HSD17B11: variants seen among roughly 807,000 people sequenced by gnomAD.
The protein encoded by HSD17B11 is estradiol 17-beta-dehydrogenase 11.
Under a neutral mutation model 27.8 loss-of-function variants are expected in HSD17B11, and 22 were observed. The ratio of observed to expected loss-of-function variants is 0.79; its 90% CI spans 0.56 to 1.13. HSD17B11 has a LOEUF of 1.13. Ranked by LOEUF, HSD17B11 falls within the 50% of genes most tolerant of loss-of-function variation. The pLI is 0.00. For synonymous variants in HSD17B11, 117 were observed against 132.8 expected (o/e 0.88, Z 0.82); for missense variants, 314 against 351.1 (o/e 0.89, Z 0.84).
intron 4 of HSD17B11, among the ~76,000 whole-genome samples, chr4:87,365,198 CTG>C (rs1258264865): frequency 2.0e-5 from 3 of 152,042 alleles, no homozygotes; most frequent in Non-Finnish European, 4.4e-5. Context: ...AAACGAAAAA[CTG>C]TATAAGTGCT....
At chr4:87,346,097 C>A (rs186195617) in intron 5 of HSD17B11, among the ~76,000 whole-genome samples, 38 of 152,090 alleles carry the variant, frequency 2.5e-4, no homozygotes, top group Admixed American at 1.8e-3. Context: ...TGCCATTATC[C>A]CAGGAATACA....
In HSD17B11 at chr4:87,341,950, T is replaced by A. The variant is rs76768039; in HGVS notation, c.696-1344A>T. On this transcript the variant is annotated intron_variant, in intron 5 of 6. Coordinates refer to ENST00000358290, the MANE Select transcript of HSD17B11 (RefSeq NM_016245.5). ...AGAGGAGCTGCACAAGAGTTAGTAC[T>A]GAGACTTTTTAACATTTTATTAATG... Among the ~76,000 whole-genome samples, 8 of 152,308 alleles carry A rather than the reference T, an allele frequency of 5.3e-5. No individual in the cohort carries two copies. The East Asian group carries it at 1.5e-3, about 29-fold the overall frequency.
chr4:87,376,151 A>T (rs970006994), intron 2 of HSD17B11, among the ~76,000 whole-genome samples: 2 of 152,256 alleles, frequency 1.3e-5, no homozygotes, highest in African/African-American at 4.8e-5. Flanking sequence ...ATACTTGTCT[A>T]CAAGTAACAT....
chr4:87,372,918 G>C, intron 3 of HSD17B11, 103 bp from the exon 4 acceptor site: 1 of 695,696 alleles, frequency 1.4e-6, no homozygotes, highest in East Asian at 2.8e-5. Flanking sequence ...CATTAATCCT[G>C]TCATAAATGA....
chr4:87,378,905 A>AATATAT (rs1290386830), intron 2 of HSD17B11, among the ~76,000 whole-genome samples: 2 of 12,376 alleles, frequency 1.6e-4, no homozygotes, highest in African/African-American at 1.1e-3. Flanking sequence ...AATATATATA[A>AATATAT]ATATATATAT....
chr4:87,373,796 T>C (rs1025648478), intron 3 of HSD17B11, among the ~76,000 whole-genome samples: 10 of 140,944 alleles, frequency 7.1e-5, no homozygotes, highest in Middle Eastern at 3.5e-3. Context: ...AATATTAGCA[T>C]AAAATAACAC....
chr4:87,354,642 C>CAA (rs1255125895), intron 5 of HSD17B11, among the ~76,000 whole-genome samples: 35 of 121,374 alleles, frequency 2.9e-4, no homozygotes, highest in Admixed American at 5.9e-4. Flanking sequence ...ATCCTTGTCT[C>CAA]AAAAAAAATA....
At chr4:87,338,464 T>C (rs543171201) in intron 6 of HSD17B11, among the ~76,000 whole-genome samples, 1 of 152,216 alleles carries the variant, frequency 6.6e-6, no homozygotes, top group Non-Finnish European at 1.5e-5. Flanking sequence ...ATGATAATAA[T>C]AATAGTAGTA....
chr4:87,378,970 T>C (rs1720053124), intron 2 of HSD17B11, among the ~76,000 whole-genome samples: 1 of 96,364 alleles, frequency 1.0e-5, no homozygotes, highest in Admixed American at 1.5e-4. Context: ...ATTTTTTTTT[T>C]TTTTTGAGAT....
Position 87,360,212 on chromosome 4 carries a change from A to G in HSD17B11, c.558-2796T>C, listed in dbSNP as rs200472202. 2.6e-4 allele frequency among the ~76,000 whole-genome samples: 39 copies of G among 151,912 alleles called. No individual in the cohort carries two copies. The East Asian group carries it at 5.4e-3, about 21-fold the overall frequency. ...ATCTTTTCTTTTTAAGGCTTCATTC[A>G]ATATATGTCAAACTTTCAAAAAAGT... On this transcript the variant is annotated intron_variant, in intron 4 of 6. Transcript: ENST00000358290.
At chr4:87,370,755 A>ATTATTATTATTTT (rs70957229) in intron 4 of HSD17B11, among the ~76,000 whole-genome samples, 9 of 57,514 alleles carry the variant, frequency 1.6e-4, no homozygotes, top group Admixed American at 1.1e-3. Flanking sequence ...TATTATTATT[A>ATTATTATTATTTT]TTTTTTTTTT....
chr4:87,340,371 A>G, intron 6 of HSD17B11, 119 bp downstream of exon 6: 1 of 591,286 alleles, frequency 1.7e-6, no homozygotes, highest in Non-Finnish European at 2.9e-6. Context: ...TGTTATTTTT[A>G]TTAAGTCAAT....
chr4:87,342,878 T>A (rs1735195773), intron 5 of HSD17B11, among the ~76,000 whole-genome samples: 1 of 152,012 alleles, frequency 6.6e-6, no homozygotes, highest in Admixed American at 6.6e-5. Flanking sequence ...AAGCAAAAAA[T>A]CAAAGGCAAC....
intron 2 of HSD17B11, among the ~76,000 whole-genome samples, chr4:87,381,007 G>A (rs1438948969): frequency 6.6e-6 from 1 of 150,530 alleles, no homozygotes; most frequent in African/African-American, 2.4e-5. Flanking sequence ...CCAACATAGT[G>A]AAACCCCATC....
chr4:87,347,371 G>A (rs1190036579), intron 5 of HSD17B11, among the ~76,000 whole-genome samples: 1 of 29,220 alleles, frequency 3.4e-5, no homozygotes, highest in African/African-American at 2.2e-4. Flanking sequence ...GAGAATATGC[G>A]GTGTTTGGTT....
intron 4 of HSD17B11, among the ~76,000 whole-genome samples, chr4:87,366,675 T>C (rs561871828): frequency 3.0e-4 from 45 of 152,322 alleles, no homozygotes; most frequent in South Asian, 2.3e-3. Context: ...GTGGCTTTAA[T>C]AGTGGCTGTC....
At chr4:87,360,535 G>A (rs1408473107) in intron 4 of HSD17B11, among the ~76,000 whole-genome samples, 4 of 152,196 alleles carry the variant, frequency 2.6e-5, no homozygotes, top group Non-Finnish European at 5.9e-5. Context: ...TGGTAATACC[G>A]CTGTCACCAA....
chr4:87,339,648 GC>G (rs1735127347), intron 6 of HSD17B11, among the ~76,000 whole-genome samples: 1 of 152,180 alleles, frequency 6.6e-6, no homozygotes, highest in South Asian at 2.1e-4. Context: ...TTGCCACACA[GC>G]TTTCCCAGAT....
At chr4:87,376,512 AAAAAAAAAAAC>A (rs1440185160) in intron 2 of HSD17B11, among the ~76,000 whole-genome samples, 1 of 148,684 alleles carries the variant, frequency 6.7e-6, no homozygotes, top group African/African-American at 2.5e-5. Context: ...TCAAAAAAAA[AAAAAAAAAAAC>A]CCAAAAAACA....
Sources: gnomAD v4.1 joint callset for allele counts (sites outside exome capture counted in the v4.1 genomes callset) on GRCh38, gnomAD v4.1.1 for gene constraint, MANE v1.5 for transcripts, NCBI Gene and HGNC (gene_info 2026-07-23, HGNC 2026-07-21) for gene names.